The following KANSL1 variants were observed in gnomAD, a reference collection of about 807,000 sequenced individuals.
KANSL1 encodes the protein MLL1/MLL complex subunit KANSL1.
KANSL1 carries 22 observed loss-of-function variants against 103.6 expected under a neutral mutation model. The ratio of observed to expected loss-of-function variants is 0.21; its 90% CI spans 0.15 to 0.30. The LOEUF (loss-of-function observed/expected upper bound fraction) is 0.30, where lower values mean the gene tolerates loss of function less well. Ranked by LOEUF, KANSL1 falls within the 10% of genes least tolerant of loss-of-function variation. KANSL1 has a pLI of 1.00. For synonymous variants in KANSL1, 600 were observed against 527.6 expected (o/e 1.14, Z -1.88); for missense variants, 1,337 against 1,399.8 (o/e 0.96, Z 0.72).
rs111514883 is a variant in KANSL1 at position 46,034,286 on chromosome 17, C to T, written c.2542-1G>A. The T allele has an allele frequency of 3.1e-6, 5 of 1,613,298 alleles. No homozygotes were observed. The African/African-American group carries it at 4.0e-5, about 13-fold the overall frequency. On this transcript the variant is annotated splice_acceptor_variant, in intron 10 of 14. Transcript: ENST00000432791. LOFTEE classifies it high-confidence loss of function. ...CCCTTCTCCTCCTTACTGGCTGCTG[C>T]TGTAAGATAAAAATTAAGTTTAAAA...
In KANSL1 at chr17:46,170,987, C is replaced by T; in HGVS notation, c.1157G>A (p.Ser386Asn). ...ACTGCACCTCAAGTTGGCTATGCCA[C>T]TAGCTGTAAATCTCTCCAATTCTTC... ...ISEELERFTA[S>N]GIANLRCSEQ... The change falls in exon 2 of 15, where the codon AGT becomes AAT. Residue 386 changes from serine (S) to asparagine (N), a missense_variant. By Grantham distance (46) the Ser-to-Asn change is conservative. This residue lies in a region of KANSL1 where 557 missense variants were observed against 476.4 expected (regional missense o/e 1.17). Transcript: ENST00000432791. 6.2e-7 allele frequency: 1 copy of T among 1,614,210 alleles called. No individual in the cohort carries two copies.
chr17:46,067,223 G>GATCT (rs1444401744), intron 5 of KANSL1, among the ~76,000 whole-genome samples: 2 of 152,120 alleles, frequency 1.3e-5, no homozygotes, highest in Non-Finnish European at 2.9e-5. Flanking sequence ...TACAAACATA[G>GATCT]CCCTTGGAGA....
upstream of KANSL1, among the ~76,000 whole-genome samples, chr17:46,195,284 T>A (rs959776854): frequency 6.6e-6 from 1 of 152,224 alleles, no homozygotes; most frequent in South Asian, 2.1e-4. Flanking sequence ...AACAAAATAA[T>A]CTTACTGCTG....
chr17:46,144,162 A>C (rs759089544), intron 2 of KANSL1, among the ~76,000 whole-genome samples: 11 of 152,248 alleles, frequency 7.2e-5, no homozygotes, highest in Non-Finnish European at 1.5e-4. Context: ...TTCTGAAGGA[A>C]GGGAAGGTAT....
intron 4 of KANSL1, among the ~76,000 whole-genome samples, chr17:46,077,557 ATTT>A (rs2078826469): frequency 1.3e-5 from 2 of 151,656 alleles, no homozygotes; most frequent in Admixed American, 6.6e-5. Flanking sequence ...AAGTTTCATG[ATTT>A]TTTTATTTTA....
At chr17:46,102,278 C>A (rs2042355279) in intron 2 of KANSL1, among the ~76,000 whole-genome samples, 2 of 152,142 alleles carry the variant, frequency 1.3e-5, no homozygotes, top group African/African-American at 4.8e-5. Flanking sequence ...GAGATGGAAT[C>A]TCGCTCTGTC....
In KANSL1 at chr17:46,171,342, A is replaced by G. The variant is rs767021119; in HGVS notation, c.802T>C (p.Ser268Pro). 3.8e-5 allele frequency: 61 copies of G among 1,613,986 alleles called. No homozygotes were observed. The East Asian group carries it at 6.5e-4, about 17-fold the overall frequency. Residue 268 changes from serine to proline, a missense_variant, in exon 2 of 15, where the codon TCT (serine) becomes CCT (proline). Coordinates refer to ENST00000432791, the MANE Select transcript of KANSL1 (RefSeq NM_015443.4). ...CTGAAAAGAATGGAAGACAGGGGAG[A>G]CTTTTTACCCTCCAATTTGACACCC... ...LGGVKLEGKKSPLSSILFSAL... is the reference protein window; with the variant it reads ...LGGVKLEGKKPPLSSILFSAL...
chr17:46,055,635 G>T (rs914152118), intron 6 of KANSL1, among the ~76,000 whole-genome samples: 13 of 151,992 alleles, frequency 8.6e-5, no homozygotes, highest in South Asian at 4.2e-4. Flanking sequence ...AGGCAAAGGG[G>T]ATTTAAACAA....
At chr17:46,200,444 TA>T (rs1010186548) in intron 1 of KANSL1, among the ~76,000 whole-genome samples, 58 of 152,158 alleles carry the variant, frequency 3.8e-4, no homozygotes, top group African/African-American at 1.4e-3. Flanking sequence ...AAACACACCT[TA>T]AAAAATATCT....
At chr17:46,124,162 G>C (rs2043410263) in intron 2 of KANSL1, among the ~76,000 whole-genome samples, 1 of 152,230 alleles carries the variant, frequency 6.6e-6, no homozygotes, top group Non-Finnish European at 1.5e-5. Context: ...ACTCTGGGAG[G>C]CCAAGGAGGG....
At chr17:46,154,527 CT>C (rs557592742) in intron 2 of KANSL1, among the ~76,000 whole-genome samples, 31 of 152,218 alleles carry the variant, frequency 2.0e-4, no homozygotes, top group Non-Finnish European at 4.1e-4. Flanking sequence ...AGTGATCCCC[CT>C]GCCTCAGCAT....
chr17:46,091,809 G>C (rs543686732), intron 3 of KANSL1, among the ~76,000 whole-genome samples: 2 of 151,632 alleles, frequency 1.3e-5, no homozygotes, highest in South Asian at 4.2e-4. Context: ...ATGTATATAT[G>C]TAAGTATGTA....
intron 2 of KANSL1, among the ~76,000 whole-genome samples, chr17:46,151,436 C>G (rs2045096365): frequency 6.6e-6 from 1 of 152,240 alleles, no homozygotes; most frequent in African/African-American, 2.4e-5. Flanking sequence ...AGAGGCTTTC[C>G]CTGACCACCC....
intron 2 of KANSL1, among the ~76,000 whole-genome samples, chr17:46,129,244 A>C (rs1318085454): frequency 6.6e-6 from 1 of 152,184 alleles, no homozygotes; most frequent in Admixed American, 6.5e-5. Flanking sequence ...TTCCCTACAG[A>C]ATCACAATAT....
chr17:46,052,834 G>A (rs915158705), intron 6 of KANSL1, among the ~76,000 whole-genome samples: 1 of 146,340 alleles, frequency 6.8e-6, no homozygotes, highest in African/African-American at 2.5e-5. Flanking sequence ...GCATGGTATT[G>A]CATGCCTTTA....
chr17:46,114,733 G>GT (rs1224036626), intron 2 of KANSL1, among the ~76,000 whole-genome samples: 1 of 152,180 alleles, frequency 6.6e-6, no homozygotes, highest in Non-Finnish European at 1.5e-5. Flanking sequence ...ACAATATCTT[G>GT]TTTAAAGTTA....
intron 1 of KANSL1, among the ~76,000 whole-genome samples, chr17:46,178,054 G>A (rs1007198188): frequency 2.0e-5 from 3 of 152,300 alleles, no homozygotes; most frequent in African/African-American, 7.2e-5. Context: ...TGGGATTACA[G>A]GCATGAGCCA....
intron 2 of KANSL1, among the ~76,000 whole-genome samples, chr17:46,112,368 C>CAAAAAAA: frequency 2.0e-5 from 1 of 51,108 alleles, no homozygotes. Flanking sequence ...AACTCTGTCT[C>CAAAAAAA]AAAAAAAAAA....
chr17:46,166,605 T>C (rs1041436855), intron 2 of KANSL1, among the ~76,000 whole-genome samples: 3 of 152,118 alleles, frequency 2.0e-5, no homozygotes, highest in Admixed American at 6.5e-5. Flanking sequence ...CTGAACTGCA[T>C]CCATAGTCTA....
Sources: allele counts gnomAD v4.1 joint callset (sites outside exome capture counted in the v4.1 genomes callset), GRCh38; gene constraint gnomAD v4.1.1; regional missense constraint gnomAD v4.1.1; transcripts MANE v1.5; gene names NCBI Gene and HGNC (gene_info 2026-07-23, HGNC 2026-07-21).